The following RAB11FIP3 variants were observed in gnomAD, a reference collection of about 807,000 sequenced individuals.
The protein encoded by RAB11FIP3 is RAB11 family interacting protein 3.
RAB11FIP3 carries 17 observed loss-of-function variants against 77.8 expected under a neutral mutation model. The ratio of observed to expected loss-of-function variants is 0.22; its 90% CI spans 0.15 to 0.33. RAB11FIP3 has a LOEUF of 0.33. Among genes scored for constraint, RAB11FIP3 ranks in the 10% least tolerant of loss-of-function variants. The probability of loss-of-function intolerance (pLI) is 1.00; values close to 1 mark genes in which losing one functional copy is unlikely to be tolerated. For missense variants in RAB11FIP3, 1,005 were observed against 1,011.2 expected (o/e 0.99, Z 0.08); for synonymous variants, 437 against 448.2 (o/e 0.98, Z 0.31).
chr16:448,671 G>T (rs2055357060), intron 1 of RAB11FIP3, among the ~76,000 whole-genome samples: 1 of 150,398 alleles, frequency 6.6e-6, no homozygotes, highest in African/African-American at 2.5e-5. Context: ...AGGAGGCGGA[G>T]CTTGCAGTGA....
chr16:457,511 CT>C (rs35462064), intron 1 of RAB11FIP3, among the ~76,000 whole-genome samples: 337 of 138,946 alleles, frequency 2.4e-3, no homozygotes, highest in Middle Eastern at 3.8e-3. Flanking sequence ...ACAGTTTCAC[CT>C]TTTTTTTTTT....
intron 1 of RAB11FIP3, among the ~76,000 whole-genome samples, chr16:454,031 T>G (rs1330666752): frequency 6.6e-6 from 1 of 152,182 alleles, no homozygotes; most frequent in Non-Finnish European, 1.5e-5. Context: ...CCGTAGCTTT[T>G]AAGTTGCCAA....
At position 520,888 on chromosome 16, in the gene RAB11FIP3, A is replaced by G. The variant is rs1351929234; in HGVS notation, c.*49A>G. ...TGGATTCGGGACTCCAACACCCTGG[A>G]GTGGTTCCGTCAGACCATGAGGAGC... On this transcript the variant is annotated 3_prime_UTR_variant, in exon 14 of 14. Coordinates refer to ENST00000262305, the MANE Select transcript of RAB11FIP3 (RefSeq NM_014700.4). 4 of 1,493,760 alleles carry G rather than the reference A, an allele frequency of 2.7e-6. No homozygotes were observed. Among genetic ancestry groups the G allele is most frequent in the Non-Finnish European group, 3.7e-6 (4 of 1,071,834 alleles). 92.5% of individuals were successfully genotyped at this position (1,493,760 alleles called of 1,614,324 possible). A position where few individuals can be genotyped will look rare whatever the true frequency, so the allele number is the denominator to read the frequency against.
chr16:483,993 C>T (rs141569772), intron 4 of RAB11FIP3, among the ~76,000 whole-genome samples: 10 of 152,248 alleles, frequency 6.6e-5, no homozygotes, highest in South Asian at 2.1e-4. Context: ...TGCATAAACC[C>T]GGCCCTTGGG....
chr16:510,521 G>A lies in RAB11FIP3; in HGVS notation c.1500-139G>A, dbSNP rs557278969. 85 of 993,654 alleles carry A rather than the reference G, an allele frequency of 8.6e-5. No individual in the cohort carries two copies. The South Asian group carries it at 1.4e-3, about 17-fold the overall frequency. 61.6% of individuals were successfully genotyped at this position (993,654 alleles called of 1,614,324 possible). On this transcript the variant is annotated intron_variant, in intron 8 of 13. Transcript: ENST00000262305. ...CTGCTTCAGAACTGCCTTGACCAGA[G>A]CTCGGGGATGCCCTTCTCGGTGCCC...
At chr16:509,579 G>A (rs553149279) in intron 8 of RAB11FIP3, among the ~76,000 whole-genome samples, 4 of 152,384 alleles carry the variant, frequency 2.6e-5, no homozygotes, top group African/African-American at 9.6e-5. Context: ...CCTGTCTCCT[G>A]CGGATGGTTG....
intron 1 of RAB11FIP3, among the ~76,000 whole-genome samples, chr16:454,096 C>G (rs1338603538): frequency 1.3e-5 from 2 of 152,196 alleles, no homozygotes; most frequent in East Asian, 3.8e-4. Context: ...AGGACCTCAT[C>G]ATTCCAGGTG....
At chr16:432,067 A>G (rs1018059537) in intron 1 of RAB11FIP3, among the ~76,000 whole-genome samples, 5 of 151,894 alleles carry the variant, frequency 3.3e-5, no homozygotes, top group Non-Finnish European at 7.4e-5. Context: ...AAGCTAAATT[A>G]TTTTTATAGA....
chr16:478,489 C>A (rs1386209801), intron 3 of RAB11FIP3, among the ~76,000 whole-genome samples: 1 of 152,090 alleles, frequency 6.6e-6, no homozygotes, highest in Non-Finnish European at 1.5e-5. Context: ...CGGCGCCCAG[C>A]CACTTTGTCT....
At chr16:468,294 CAG>C (rs1168115527) in intron 2 of RAB11FIP3, among the ~76,000 whole-genome samples, 45 of 150,722 alleles carry the variant, frequency 3.0e-4, no homozygotes, top group African/African-American at 1.1e-3. Flanking sequence ...GCAGGGGCGT[CAG>C]GGAGGAGGAG....
Position 514,842 on chromosome 16 carries a change from G to A in RAB11FIP3, c.1640+4042G>A, listed in dbSNP as rs758975925. 4.0e-4 allele frequency among the ~76,000 whole-genome samples: 61 copies of A among 152,222 alleles called. No individual in the cohort carries two copies. The highest frequency in any genetic ancestry group is 6.9e-4 in the Non-Finnish European group (47 of 68,042). On this transcript the variant is annotated intron_variant, in intron 9 of 13. Coordinates refer to ENST00000262305, the MANE Select transcript of RAB11FIP3 (RefSeq NM_014700.4). The surrounding 1 kb of genome is among the most constrained non-coding windows in gnomAD (Gnocchi z 4.6). ...TGATTTGCAGCTTGTGGCACCTGCC[G>A]AACCCCCGGCGTTGGGGTACATGGC...
At position 441,097 on chromosome 16, in the gene RAB11FIP3, C is replaced by T. The variant is rs533022086; in HGVS notation, c.714+14377C>T. Among the ~76,000 whole-genome samples the T allele has an allele frequency of 9.8e-5, 15 of 152,294 alleles. No individual in the cohort carries two copies. The South Asian group carries it at 2.9e-3, about 29-fold the overall frequency. The stretch of plus-strand genomic sequence containing the variant: ...CTGGGATGACAGGTACCTGCCACCA[C>T]GCCTGGCTAATTTTTTTGTATTTTT... On this transcript the variant is annotated intron_variant, in intron 1 of 13. Coordinates refer to ENST00000262305, the MANE Select transcript of RAB11FIP3 (RefSeq NM_014700.4).
At chr16:438,308 A>T (rs575955801) in intron 1 of RAB11FIP3, among the ~76,000 whole-genome samples, 1 of 147,344 alleles carries the variant, frequency 6.8e-6, no homozygotes, top group South Asian at 2.2e-4. Context: ...GGGTTTCACT[A>T]TGTTGGCCAG....
chr16:468,208 G>GGGA (rs749868057), intron 2 of RAB11FIP3, among the ~76,000 whole-genome samples: 7 of 59,650 alleles, frequency 1.2e-4, no homozygotes, highest in South Asian at 6.6e-4. Flanking sequence ...AGGGAAGTCA[G>GGGA]GGAGGAGGTG....
At position 426,642 on chromosome 16, in the gene RAB11FIP3, T is replaced by C; in HGVS notation, c.636T>C (p.Asp212=). ...GCCCCCGCCTCCGAGCCGTGTTCGA[T>C]GCCCTGGACGGGGATGGGGACGGTT... ...EDGPRLRAVF[D]ALDGDGDGFV... Residue 212 remains aspartate (D), a synonymous_variant, in exon 1 of 14, where the codon GAT becomes GAC. Coordinates refer to ENST00000262305, the MANE Select transcript of RAB11FIP3 (RefSeq NM_014700.4). This position sits in a 1 kb window ranked among gnomAD's most constrained non-coding sequence, Gnocchi z 5.0. The C allele has an allele frequency of 6.3e-7, 1 of 1,585,330 alleles. No individual in the cohort carries two copies. Among genetic ancestry groups the C allele is most frequent in the Non-Finnish European group, 8.6e-7 (1 of 1,167,058 alleles).
At chr16:434,530 G>C (rs1451600785) in intron 1 of RAB11FIP3, among the ~76,000 whole-genome samples, 1 of 152,114 alleles carries the variant, frequency 6.6e-6, no homozygotes, top group Non-Finnish European at 1.5e-5. Flanking sequence ...AGGCTCAGGT[G>C]GTCCTCCCAT....
chr16:480,494 A>T, intron 3 of RAB11FIP3, among the ~76,000 whole-genome samples: 1 of 150,746 alleles, frequency 6.6e-6, no homozygotes, highest in East Asian at 2.0e-4. Context: ...TTGGCTAATT[A>T]TATTTATTTA....
intron 1 of RAB11FIP3, among the ~76,000 whole-genome samples, chr16:448,040 A>G (rs565575014): frequency 5.3e-5 from 8 of 151,976 alleles, no homozygotes; most frequent in East Asian, 1.9e-4. Flanking sequence ...CGTATTGTCC[A>G]GGCGCAGTGG....
intron 1 of RAB11FIP3, among the ~76,000 whole-genome samples, chr16:431,957 C>T (rs2055044341): frequency 6.6e-6 from 1 of 151,952 alleles, no homozygotes; most frequent in African/African-American, 2.4e-5. Flanking sequence ...TGAGGTTTCA[C>T]CGTGTTAGCC....
Sources: allele counts gnomAD v4.1 joint callset (sites outside exome capture counted in the v4.1 genomes callset), GRCh38; gene constraint gnomAD v4.1.1; non-coding constraint Gnocchi (gnomAD v3.1); transcripts MANE v1.5; gene names NCBI Gene and HGNC (gene_info 2026-07-23, HGNC 2026-07-21).